PLA2G4A: variants seen among roughly 807,000 people sequenced by gnomAD.
The protein encoded by PLA2G4A is cytosolic phospholipase A2.
A neutral mutation model predicts 81.9 loss-of-function variants in PLA2G4A; 40 were observed. The ratio of observed to expected loss-of-function variants is 0.49; its 90% CI spans 0.38 to 0.64. The LOEUF (loss-of-function observed/expected upper bound fraction) is 0.64. PLA2G4A is among the 30% of genes least tolerant of loss of function. The pLI is 0.00. For missense variants in PLA2G4A, 715 were observed against 905.1 expected, an observed-to-expected ratio of 0.79 and a Z score of 2.69; for synonymous variants, 302 against 296.9, an observed-to-expected ratio of 1.02 and a Z score of -0.18.
intron 1 of PLA2G4A, among the ~76,000 whole-genome samples, chr1:186,836,986 T>C (rs1651800203): frequency 6.6e-6 from 1 of 152,096 alleles, no homozygotes; most frequent in South Asian, 2.1e-4. Flanking sequence ...AGAGTGAGAA[T>C]GGCAAGGCTC....
chr1:186,933,002 A>C lies in PLA2G4A; in HGVS notation c.695+103A>C, dbSNP rs1425906284. ...AGGGGATTTAGAAAATTGATCATTA[A>C]TTTAAATTACTGAAACTTTCCAGTT... On this transcript the variant is annotated intron_variant, in intron 8 of 17. Coordinates refer to ENST00000367466, the MANE Select transcript of PLA2G4A (RefSeq NM_024420.3). 3.4e-6 allele frequency: 3 copies of C among 870,992 alleles called. No individual in the cohort carries two copies. In the Admixed American group the frequency reaches 6.4e-5, roughly 19 times the overall value. 54.0% of individuals were successfully genotyped at this position (870,992 alleles called of 1,614,324 possible). A position where few individuals can be genotyped will look rare whatever the true frequency, so the allele number is the denominator to read the frequency against.
chr1:186,891,886 T>C (rs1343136535), intron 3 of PLA2G4A, among the ~76,000 whole-genome samples: 1 of 152,188 alleles, frequency 6.6e-6, no homozygotes, highest in Non-Finnish European at 1.5e-5. Context: ...TTATTCTCCA[T>C]AGTGGTTGTG....
chr1:186,925,534 C>T (rs1376932135), intron 7 of PLA2G4A, among the ~76,000 whole-genome samples: 1 of 152,144 alleles, frequency 6.6e-6, no homozygotes, highest in Non-Finnish European at 1.5e-5. Flanking sequence ...GAATCTTTCC[C>T]CGGTTGGAGG....
intron 14 of PLA2G4A, among the ~76,000 whole-genome samples, chr1:186,960,724 G>A (rs1218464413): frequency 6.6e-6 from 1 of 152,146 alleles, no homozygotes. Context: ...TAGGCAGTCA[G>A]GTAGCATAAG....
At chr1:186,853,966 A>T (rs1182387460) in intron 1 of PLA2G4A, among the ~76,000 whole-genome samples, 1 of 152,002 alleles carries the variant, frequency 6.6e-6, no homozygotes, top group African/African-American at 2.4e-5. Context: ...CAGTACAAAA[A>T]TAATTTTAAG....
At chr1:186,831,084 A>G (rs1473456053) in intron 1 of PLA2G4A, among the ~76,000 whole-genome samples, 1 of 149,082 alleles carries the variant, frequency 6.7e-6, no homozygotes, top group Non-Finnish European at 1.5e-5. Context: ...TCCATCAAAG[A>G]CACTTTTATA....
At chr1:186,920,671 TTA>T (rs1440630572) in intron 7 of PLA2G4A, among the ~76,000 whole-genome samples, 4 of 152,216 alleles carry the variant, frequency 2.6e-5, no homozygotes, top group Non-Finnish European at 5.9e-5. Context: ...GGCGCATTGG[TTA>T]GGTTGCAAGC....
At chr1:186,862,815 T>A (rs1057339338) in intron 2 of PLA2G4A, among the ~76,000 whole-genome samples, 1 of 152,204 alleles carries the variant, frequency 6.6e-6, no homozygotes, top group Non-Finnish European at 1.5e-5. Context: ...CTTCATGTGT[T>A]CTAATGAGCT....
intron 2 of PLA2G4A, among the ~76,000 whole-genome samples, chr1:186,867,473 T>G (rs756059392): frequency 6.8e-6 from 1 of 147,864 alleles, no homozygotes; most frequent in East Asian, 2.0e-4. Context: ...TAAGTAGTAT[T>G]GTGTTTTTAA....
intron 3 of PLA2G4A, among the ~76,000 whole-genome samples, chr1:186,875,356 CATT>C (rs1558389359): frequency 6.6e-6 from 1 of 151,988 alleles, no homozygotes; most frequent in East Asian, 1.9e-4. Context: ...TTACATGACT[CATT>C]ATATTATCAA....
chr1:186,862,118 G>C (rs184428272), intron 2 of PLA2G4A, among the ~76,000 whole-genome samples: 2 of 150,880 alleles, frequency 1.3e-5, no homozygotes, highest in East Asian at 3.9e-4. Flanking sequence ...ATATGAAGTT[G>C]GTTTTCTGAT....
At chr1:186,882,333 C>G (rs1388715089) in intron 3 of PLA2G4A, among the ~76,000 whole-genome samples, 2 of 152,130 alleles carry the variant, frequency 1.3e-5, no homozygotes, top group Non-Finnish European at 2.9e-5. Flanking sequence ...TATTTCTTAA[C>G]TGTACCGTCT....
In PLA2G4A at chr1:186,846,974, C is replaced by T. The variant is rs558320384; in HGVS notation, c.-69-7312C>T. ...CTGCAGTATAGTTCTAGTCCCTGAC[C>T]GCTCCTCCTTTTTGCAATTATTGTT... On this transcript the variant is annotated intron_variant, in intron 1 of 17. Transcript: ENST00000367466. 2.8e-3 allele frequency among the ~76,000 whole-genome samples: 421 copies of T among 151,804 alleles called. 1 individual carries two copies. Among genetic ancestry groups the T allele is most frequent in the African/African-American group, 9.4e-3 (391 of 41,432 alleles).
chr1:186,857,280 C>A (rs1652611044), intron 2 of PLA2G4A, among the ~76,000 whole-genome samples: 1 of 91,094 alleles, frequency 1.1e-5, no homozygotes, highest in Non-Finnish European at 2.2e-5. Context: ...GGCTGACTGC[C>A]TTATATTATA....
chr1:186,958,375 A>G (rs183629389), intron 14 of PLA2G4A, among the ~76,000 whole-genome samples: 2 of 152,320 alleles, frequency 1.3e-5, no homozygotes, highest in East Asian at 1.9e-4. Flanking sequence ...TTGTTTAGTC[A>G]CATAACTATG....
chr1:186,912,206 T>C (rs1377563915), intron 7 of PLA2G4A, among the ~76,000 whole-genome samples: 1 of 152,188 alleles, frequency 6.6e-6, no homozygotes, highest in Non-Finnish European at 1.5e-5. Flanking sequence ...TATCCTTTAG[T>C]CTGGTCAGGC....
At chr1:186,960,254 G>A (rs568439226) in intron 14 of PLA2G4A, among the ~76,000 whole-genome samples, 1 of 152,092 alleles carries the variant, frequency 6.6e-6, no homozygotes, top group African/African-American at 2.4e-5. Context: ...CTGGAAATAA[G>A]AAATAAAGAC....
chr1:186,834,858 C>A (rs1314986062), intron 1 of PLA2G4A, among the ~76,000 whole-genome samples: 2 of 152,060 alleles, frequency 1.3e-5, no homozygotes, highest in Admixed American at 1.3e-4. Flanking sequence ...TCTTATTAAA[C>A]CTGGCAGTTG....
Position 186,950,785 on chromosome 1 carries a change from C to G in PLA2G4A, c.1336+57C>G, listed in dbSNP as rs374644682. The G allele has an allele frequency of 4.4e-6, 4 of 903,460 alleles. No homozygotes were observed. In the African/African-American group the frequency reaches 4.9e-5, roughly 11 times the overall value. 56.0% of individuals were successfully genotyped at this position (903,460 alleles called of 1,614,324 possible). A position where few individuals can be genotyped will look rare whatever the true frequency, so the allele number is the denominator to read the frequency against. On this transcript the variant is annotated intron_variant, in intron 13 of 17. Coordinates refer to ENST00000367466, the MANE Select transcript of PLA2G4A (RefSeq NM_024420.3). Reference sequence around the variant, plus strand: ...TCCATGAGGAAAGGATATGAACACTCTGTCTGATTTTCTCACTCAAGATGC... The same window carrying G: ...TCCATGAGGAAAGGATATGAACACTGTGTCTGATTTTCTCACTCAAGATGC...
Sources: gnomAD v4.1 joint callset for allele counts (sites outside exome capture counted in the v4.1 genomes callset) on GRCh38, gnomAD v4.1.1 for gene constraint, MANE v1.5 for transcripts, NCBI Gene and HGNC (gene_info 2026-07-23, HGNC 2026-07-21) for gene names.